AGRN: variants seen among roughly 807,000 people sequenced by gnomAD.
AGRN encodes the protein agrin.
AGRN carries 106 observed loss-of-function variants against 211.0 expected under a neutral mutation model. The ratio of observed to expected loss-of-function variants is 0.50; its 90% confidence interval spans 0.43 to 0.59. The LOEUF (loss-of-function observed/expected upper bound fraction) is 0.59, where lower values mean the gene tolerates loss of function less well. AGRN is among the 20% of genes least tolerant of loss of function. The pLI is 0.00. For synonymous variants in AGRN, 1,525 were observed against 1,332.5 expected (o/e 1.14, Z -3.15); for missense variants, 3,040 against 2,982.6 (o/e 1.02, Z -0.45).
At chr1:1,050,169 G>A (rs1446379716) in intron 27 of AGRN, 64 bp from the exon 28 acceptor site, 19 of 1,599,764 alleles carry the variant, frequency 1.2e-5, no homozygotes, top group South Asian at 8.8e-5. Flanking sequence ...ATCCACACAC[G>A]GCTGGCATGG....
At position 1,050,790 on chromosome 1, in the gene AGRN, G is replaced by A. The variant is rs1172759054; in HGVS notation, c.5206G>A (p.Gly1736Ser). 4 of 1,600,496 alleles carry A rather than the reference G, an allele frequency of 2.5e-6. No individual in the cohort carries two copies. The highest frequency in any genetic ancestry group is 2.2e-5 in the East Asian group (1 of 44,536). ...CTCACTGGAGCGAAACGGCCGCAAG[G>A]GTGCCCTGCGTGTGGGCGACGGCCC... ...RVSLERNGRK[G>S]ALRVGDGPRV... Residue 1736 changes from glycine (G) to serine (S), a missense_variant, in exon 30 of 36, where the codon GGT becomes AGT. By Grantham distance (56) the Gly-to-Ser change is moderately conservative (BLOSUM62 0). Transcript: ENST00000379370.
chr1:1,022,691 A>C lies in AGRN; in HGVS notation c.463+229A>C, dbSNP rs1484617599. 2.0e-5 allele frequency among the ~76,000 whole-genome samples: 3 copies of C among 152,342 alleles called. No homozygotes were observed. The South Asian group carries it at 6.2e-4, about 32-fold the overall frequency. ...GGCCCTGGGGCCCAAGGCAAGTCCC[A>C]GCCCTGCAAACAGATGGCCTCCTGC... On this transcript the variant is annotated intron_variant, in intron 2 of 35. Transcript: ENST00000379370.
rs1423343454 is a variant in AGRN at position 1,042,570 on chromosome 1, GCCGTCGTGTC to G, written c.1384+418_1384+427del. ...CTTGAAGGGCCAGGGGGAGGCAGTG[GCCGTCGTGTC>G]CCGTCGTGTTCGTCTTGGTCAGTTC... On this transcript the variant is annotated intron_variant, in intron 7 of 35. Coordinates refer to ENST00000379370, the MANE Select transcript of AGRN (RefSeq NM_198576.4). 1.1e-4 allele frequency among the ~76,000 whole-genome samples: 17 copies of G among 152,332 alleles called. No homozygotes were observed. The East Asian group carries it at 3.3e-3, about 29-fold the overall frequency.
At position 1,031,833 on chromosome 1, in the gene AGRN, GGC is replaced by G. The variant is rs1644682924; in HGVS notation, c.464-3440_464-3439del. 1.3e-5 allele frequency among the ~76,000 whole-genome samples: 2 copies of G among 152,210 alleles called. No homozygotes were observed. The highest frequency in any genetic ancestry group is 4.8e-5 in the African/African-American group (2 of 41,450). On this transcript the variant is annotated intron_variant, in intron 2 of 35. Transcript: ENST00000379370. This position sits in a 1 kb window ranked among gnomAD's most constrained non-coding sequence, Gnocchi z 4.8. ...TGAAGGTGGTGGCAGCAGGCGGGCT[GGC>G]GCGTGACCTGGTAGCACGGCCTGGG...
intron 3 of AGRN, among the ~76,000 whole-genome samples, chr1:1,039,541 C>T (rs1409496390): frequency 6.6e-6 from 1 of 151,450 alleles, no homozygotes; most frequent in African/African-American, 2.4e-5. Context: ...CAGCTGCAGC[C>T]GCTAACGGAC....
At chr1:1,052,157 A>G in intron 33 of AGRN, 1 of 1,106,850 alleles carries the variant, frequency 9.0e-7, no homozygotes, top group South Asian at 1.4e-5. Context: ...TGGCTGCAAG[A>G]GGCCGTTTCC....
Position 1,042,099 on chromosome 1 carries a change from T to C in AGRN, c.1321T>C (p.Trp441Arg), listed in dbSNP as rs746008311. 11 of 1,603,458 alleles carry C rather than the reference T, an allele frequency of 6.9e-6. No individual in the cohort carries two copies. Among genetic ancestry groups the C allele is most frequent in the Non-Finnish European group, 8.5e-6 (10 of 1,178,700 alleles). ...CGGGCGCACGTATGACAGTGATTGC[T>C]GGCGGCAGCAGGCTGAGTGCCGGCA... ...QDGRTYDSDC[W>R]RQQAECRQQR... The change falls in exon 7 of 36, where the codon TGG becomes CGG. Residue 441 changes from tryptophan (W) to arginine (R), a missense_variant. This residue lies in a region of AGRN where 1,498 missense variants were observed against 1,457.8 expected (regional missense o/e 1.03). Coordinates refer to ENST00000379370, the MANE Select transcript of AGRN (RefSeq NM_198576.4).
In AGRN at chr1:1,049,893, C is replaced by G; in HGVS notation, c.4745-10C>G. 1.2e-6 allele frequency: 2 copies of G among 1,611,354 alleles called. No homozygotes were observed. The highest frequency in any genetic ancestry group is 1.7e-6 in the Non-Finnish European group (2 of 1,179,444). On this transcript the variant is annotated splice_polypyrimidine_tract_variant and intron_variant, in intron 26 of 35. Coordinates refer to ENST00000379370, the MANE Select transcript of AGRN (RefSeq NM_198576.4). ...GGACCTCGGTCCCGGTCCCGTCTTC[C>G]TCCATCCAGGACCAACCTGTGCCGA...
At chr1:1,050,087 T>A in intron 27 of AGRN, 50 bp downstream of exon 27, 1 of 1,547,206 alleles carries the variant, frequency 6.5e-7, no homozygotes, top group Non-Finnish European at 8.7e-7. Context: ...GGTTGAACGT[T>A]TGGGCGGGTA....
Position 1,044,216 on chromosome 1 carries a change from T to C in AGRN, c.2107T>C (p.Cys703Arg). 1 of 1,612,834 alleles carries C rather than the reference T, an allele frequency of 6.2e-7. No homozygotes were observed. Among genetic ancestry groups the C allele is most frequent in the East Asian group, 2.2e-5 (1 of 44,842 alleles). ...IWDEDSEDGP[C>R]VCDFSCQSVP... ...GGACGAGGACTCGGAGGACGGGCCG[T>C]GTGTCTGTGACTTCAGCTGCCAGAG... The change falls in exon 11 of 36, where the codon TGT becomes CGT. Residue 703 changes from cysteine (C) to arginine (R), a missense_variant. Transcript: ENST00000379370.
intron 2 of AGRN, among the ~76,000 whole-genome samples, chr1:1,028,292 C>T (rs1644563378): frequency 6.7e-6 from 1 of 148,598 alleles, no homozygotes; most frequent in Admixed American, 6.7e-5. Flanking sequence ...GTCTCCCCTG[C>T]TGGCCGTTCT....
chr1:1,044,557 G>A lies in AGRN; in HGVS notation c.2254+118G>A, dbSNP rs72900439. On this transcript the variant is annotated intron_variant, in intron 12 of 35. Coordinates refer to ENST00000379370, the MANE Select transcript of AGRN (RefSeq NM_198576.4). ...CCCCTGTGGACGTGTGTATTGTGTT[G>A]TAAGTGAGCATCGTCCAGTGTTGGT... is the stretch of plus-strand genomic sequence containing the variant. 3,081 of 1,096,084 alleles carry A rather than the reference G, an allele frequency of 2.8e-3. 61 individuals carry two copies. The African/African-American group carries it at 0.04, about 14-fold the overall frequency. 67.9% of individuals were successfully genotyped at this position (1,096,084 alleles called of 1,614,324 possible). A position where few individuals can be genotyped will look rare whatever the true frequency, so the allele number is the denominator to read the frequency against.
rs757677789 is a variant in AGRN, at chr1:1,046,489, G to A, written c.3004G>A (p.Gly1002Ser). The A allele has an allele frequency of 6.2e-5, 67 of 1,082,126 alleles. No individual in the cohort carries two copies. The highest frequency in any genetic ancestry group is 4.3e-4 in the Middle Eastern group (2 of 4,648). 67.0% of individuals were successfully genotyped at this position (1,082,126 alleles called of 1,614,324 possible). Residue 1002 changes from glycine (G) to serine (S), a missense_variant, in exon 18 of 36, where the codon GGC (glycine) becomes AGC (serine). Physicochemically the swap from Gly to Ser is moderately conservative, Grantham distance 56 (BLOSUM62 0). Around this residue, in one of 3 missense-constraint regions of AGRN, gnomAD observed 1,537 missense variants for 1,505.0 expected, o/e 1.02. Transcript: ENST00000379370. The part of the protein sequence containing the change: ...LLSQALPAPP[G>S]ALPLAPSSTA... ...GAGCCAGGCACTGCCGGCCCCCCCC[G>A]GCGCCCTCCCCCTGGCTCCCAGCAG...
Position 1,048,021 on chromosome 1 carries a change from C to T in AGRN, c.3761C>T (p.Pro1254Leu), listed in dbSNP as rs2100667321. ...CTCCCTGTGCCGGCAGACTGGTTTC[C>T]TGCGTTTATCACGGGGGCCACGTCA... ...HVRFMDFDWF[P>L]AFITGATSGA... Residue 1254 changes from proline to leucine, a missense_variant, in exon 23 of 36, where the codon CCT (proline) becomes CTT (leucine). Physicochemically the swap from Pro to Leu is moderately conservative, Grantham distance 98. This residue lies in a region of AGRN where 1,537 missense variants were observed against 1,505.0 expected (regional missense o/e 1.02). Transcript: ENST00000379370. The surrounding 1 kb of genome is among the most constrained non-coding windows in gnomAD (Gnocchi z 5.9). The T allele has an allele frequency of 6.3e-7, 1 of 1,584,136 alleles. No homozygotes were observed. Among genetic ancestry groups the T allele is most frequent in the Non-Finnish European group, 8.6e-7 (1 of 1,169,002 alleles).
rs147195498 is a variant in AGRN at position 1,044,210 on chromosome 1, G to A, written c.2101G>A (p.Gly701Arg). The change falls in exon 11 of 36, where the codon GGG (glycine) becomes AGG (arginine). Residue 701 changes from glycine (G) to arginine (R), a missense_variant. Gly to Arg is a moderately radical substitution (Grantham distance 125). Around this residue, in one of 3 missense-constraint regions of AGRN, gnomAD observed 1,498 missense variants for 1,457.8 expected, o/e 1.03. Coordinates refer to ENST00000379370, the MANE Select transcript of AGRN (RefSeq NM_198576.4). The stretch of plus-strand genomic sequence containing the variant: ...CATCTGGGACGAGGACTCGGAGGAC[G>A]GGCCGTGTGTCTGTGACTTCAGCTG... ...GGIWDEDSED[G>R]PCVCDFSCQS... 11 of 1,612,944 alleles carry A rather than the reference G, an allele frequency of 6.8e-6. No individual in the cohort carries two copies. Among genetic ancestry groups the A allele is most frequent in the African/African-American group, 5.3e-5 (4 of 74,884 alleles).
chr1:1,048,509 G>C lies in AGRN; in HGVS notation c.4105+144G>C, dbSNP rs1019002120. 32 of 744,008 alleles carry C rather than the reference G, an allele frequency of 4.3e-5. No individual in the cohort carries two copies. Among genetic ancestry groups the C allele is most frequent in the Non-Finnish European group, 6.1e-5 (29 of 478,196 alleles). 46.1% of individuals were successfully genotyped at this position (744,008 alleles called of 1,614,324 possible). ...GTTTCGGCCAGATGCGGTGGCTCAC[G>C]CCTGTAATCCCAGCACTTTGGGAGG... On this transcript the variant is annotated intron_variant, in intron 23 of 35. Coordinates refer to ENST00000379370, the MANE Select transcript of AGRN (RefSeq NM_198576.4). The surrounding 1 kb of genome is among the most constrained non-coding windows in gnomAD (Gnocchi z 5.9).
intron 1 of AGRN, 47 bp downstream of exon 1, chr1:1,020,420 C>G: frequency 1.4e-6 from 2 of 1,472,472 alleles, no homozygotes; most frequent in Middle Eastern, 2.4e-4. Context: ...CCTGCCGCCC[C>G]GCCGGGACCC....
intron 30 of AGRN, 170 bp downstream of exon 30, chr1:1,051,007 AC>A (rs1645269339): frequency 1.9e-6 from 3 of 1,549,196 alleles, no homozygotes; most frequent in South Asian, 2.4e-5. Flanking sequence ...TCGCTCTGCA[AC>A]CCCACCCGCT....
rs1322029729 is a variant in AGRN, at chr1:1,020,241, C to A, written c.69C>A (p.Val23=). 4 of 1,448,010 alleles carry A rather than the reference C, an allele frequency of 2.8e-6. No individual in the cohort carries two copies. In the African/African-American group the frequency reaches 4.4e-5, roughly 16 times the overall value. 89.7% of individuals were successfully genotyped at this position (1,448,010 alleles called of 1,614,324 possible). A position where few individuals can be genotyped will look rare whatever the true frequency, so the allele number is the denominator to read the frequency against. ...LLPLLVVAAC[V]LPGAGGTCPE... ...CGCTCCTTGTGGTGGCCGCGTGCGT[C>A]CTGCCCGGAGCCGGCGGGACATGCC... Residue 23 remains valine (V), a synonymous_variant, in exon 1 of 36, where the codon GTC becomes GTA. Coordinates refer to ENST00000379370, the MANE Select transcript of AGRN (RefSeq NM_198576.4).
Sources: gnomAD v4.1 joint callset for allele counts (sites outside exome capture counted in the v4.1 genomes callset) on GRCh38, gnomAD v4.1.1 for gene constraint, gnomAD v4.1.1 regional missense constraint, Gnocchi (gnomAD v3.1) non-coding constraint, MANE v1.5 for transcripts, NCBI Gene and HGNC (gene_info 2026-07-23, HGNC 2026-07-21) for gene names.